HAO1: variants seen among roughly 807,000 people sequenced by gnomAD.
HAO1 encodes the protein 2-Hydroxyacid oxidase 1.
A neutral mutation model predicts 39.7 loss-of-function variants in HAO1; 34 were observed. That is an observed-to-expected ratio of 0.86 (90% confidence interval 0.65 to 1.14). HAO1 has a LOEUF of 1.14. Among genes scored for constraint, HAO1 ranks in the 50% most tolerant of loss-of-function variants. The pLI is 0.00. For synonymous variants in HAO1, 172 were observed against 173.2 expected (o/e 0.99, Z 0.05); for missense variants, 479 against 464.5 (o/e 1.03, Z -0.29).
intron 2 of HAO1, among the ~76,000 whole-genome samples, chr20:7,925,718 A>T (rs999740822): frequency 6.6e-6 from 1 of 152,124 alleles, no homozygotes; most frequent in African/African-American, 2.4e-5. Flanking sequence ...TGAGCCTCTG[A>T]CTTTTTTCAC....
chr20:7,897,689 T>C (rs2050204065), intron 4 of HAO1, among the ~76,000 whole-genome samples: 1 of 152,142 alleles, frequency 6.6e-6, no homozygotes, highest in African/African-American at 2.4e-5. Flanking sequence ...TTTATATGTA[T>C]ATTTTCAACT....
chr20:7,891,014 G>A (rs576771622), intron 5 of HAO1, among the ~76,000 whole-genome samples: 2 of 152,314 alleles, frequency 1.3e-5, no homozygotes, highest in African/African-American at 2.4e-5. Flanking sequence ...ATATGTGTGT[G>A]CAAGTATCTT....
chr20:7,937,113 T>C (rs1239079672), intron 1 of HAO1, among the ~76,000 whole-genome samples: 1 of 152,022 alleles, frequency 6.6e-6, no homozygotes, highest in Non-Finnish European at 1.5e-5. Flanking sequence ...GGAGAATCTG[T>C]TCACAGGAAT....
chr20:7,932,628 C>T (rs543219744), intron 2 of HAO1, among the ~76,000 whole-genome samples: 124 of 152,152 alleles, frequency 8.1e-4, no homozygotes, highest in Non-Finnish European at 1.5e-3. Context: ...ACTGATTTCT[C>T]ACAATTTTAA....
At chr20:7,912,966 A>G (rs2122775575) in intron 3 of HAO1, among the ~76,000 whole-genome samples, 1 of 152,332 alleles carries the variant, frequency 6.6e-6, no homozygotes, top group Middle Eastern at 3.4e-3. Context: ...CAGTAAAACT[A>G]TGTGAAACTT....
At chr20:7,937,126 T>G (rs115092167) in intron 1 of HAO1, among the ~76,000 whole-genome samples, 1,931 of 152,248 alleles carry the variant, frequency 0.013, 37 homozygotes, top group African/African-American at 0.043. Context: ...ACAGGAATTT[T>G]GGCCCACCCT....
At chr20:7,917,576 C>T (rs1180589868) in intron 2 of HAO1, among the ~76,000 whole-genome samples, 1 of 152,056 alleles carries the variant, frequency 6.6e-6, no homozygotes, top group Non-Finnish European at 1.5e-5. Flanking sequence ...AGAGACACTG[C>T]CATGCATTGG....
intron 4 of HAO1, among the ~76,000 whole-genome samples, chr20:7,899,072 T>C (rs558417583): frequency 6.6e-6 from 1 of 152,252 alleles, no homozygotes; most frequent in African/African-American, 2.4e-5. Flanking sequence ...ACAACCTGCA[T>C]TATGAGAAAT....
intron 5 of HAO1, among the ~76,000 whole-genome samples, chr20:7,892,829 T>C (rs1025062010): frequency 6.6e-6 from 1 of 152,136 alleles, no homozygotes; most frequent in African/African-American, 2.4e-5. Context: ...TGCATAGATA[T>C]ATAAAGTTTT....
intron 1 of HAO1, among the ~76,000 whole-genome samples, chr20:7,935,715 C>T (rs2050406961): frequency 6.6e-6 from 1 of 152,194 alleles, no homozygotes; most frequent in African/African-American, 2.4e-5. Flanking sequence ...AATAAACCAG[C>T]AACCAAAAAT....
At chr20:7,894,075 T>C (rs1004803788) in intron 5 of HAO1, among the ~76,000 whole-genome samples, 1 of 152,148 alleles carries the variant, frequency 6.6e-6, no homozygotes, top group African/African-American at 2.4e-5. Context: ...TACAAGAGGC[T>C]TGGCCAAATC....
chr20:7,918,411 A>C (rs1342392253), intron 2 of HAO1, among the ~76,000 whole-genome samples: 1 of 152,226 alleles, frequency 6.6e-6, no homozygotes, highest in Admixed American at 6.5e-5. Context: ...AAGTTGGTAC[A>C]TACCAGAATG....
intron 3 of HAO1, among the ~76,000 whole-genome samples, chr20:7,907,542 T>A (rs561219394): frequency 2.6e-5 from 4 of 152,302 alleles, no homozygotes; most frequent in African/African-American, 9.6e-5. Context: ...TCACCTTCCC[T>A]ATTAACTACT....
intron 2 of HAO1, among the ~76,000 whole-genome samples, chr20:7,914,661 A>C (rs777859737): frequency 6.6e-6 from 1 of 152,218 alleles, no homozygotes; most frequent in Non-Finnish European, 1.5e-5. Flanking sequence ...AGAAATATAC[A>C]TTTCTTTCCA....
chr20:7,931,887 G>T (rs1248218239), intron 2 of HAO1, among the ~76,000 whole-genome samples: 1 of 152,102 alleles, frequency 6.6e-6, no homozygotes, highest in Non-Finnish European at 1.5e-5. Flanking sequence ...TGGAACTTTA[G>T]CTACTTGCCC....
chr20:7,909,379 GTATATA>G (rs869068490), intron 3 of HAO1, among the ~76,000 whole-genome samples: 10 of 108,218 alleles, frequency 9.2e-5, no homozygotes, highest in Non-Finnish European at 1.4e-4. Context: ...ATATATATAT[GTATATA>G]TATATATATA....
intron 3 of HAO1, among the ~76,000 whole-genome samples, chr20:7,912,637 G>A (rs2050285489): frequency 6.6e-6 from 1 of 151,994 alleles, no homozygotes; most frequent in African/African-American, 2.4e-5. Flanking sequence ...GATTCATATT[G>A]GGGGAATTTG....
intron 5 of HAO1, among the ~76,000 whole-genome samples, chr20:7,889,536 C>A (rs747747498): frequency 9.2e-5 from 14 of 152,158 alleles, no homozygotes; most frequent in Non-Finnish European, 1.5e-4. Context: ...GTATTTTTAA[C>A]ACAATCTTAT....
chr20:7,907,764 C>T (rs1237051553), intron 3 of HAO1, among the ~76,000 whole-genome samples: 2 of 152,098 alleles, frequency 1.3e-5, no homozygotes, highest in Admixed American at 6.6e-5. Context: ...TTGGCAGTTC[C>T]CCACTCTAGG....
Sources: gnomAD v4.1 joint callset for allele counts (sites outside exome capture counted in the v4.1 genomes callset) on GRCh38, gnomAD v4.1.1 for gene constraint, MANE v1.5 for transcripts, NCBI Gene and HGNC (gene_info 2026-07-23, HGNC 2026-07-21) for gene names.